GRIK2: variants seen among roughly 807,000 people sequenced by gnomAD.
GRIK2 encodes glutamate ionotropic receptor kainate type subunit 2, also known as glutamate receptor ionotropic, kainate 2.
A neutral mutation model predicts 100.3 loss-of-function variants in GRIK2; 32 were observed. The ratio of observed to expected loss-of-function variants is 0.32; its 90% CI spans 0.24 to 0.43. The LOEUF (loss-of-function observed/expected upper bound fraction) is 0.43. Ranked by LOEUF, GRIK2 falls within the 20% of genes least tolerant of loss-of-function variation. The pLI is 1.00. For synonymous variants in GRIK2, 417 were observed against 389.4 expected, an observed-to-expected ratio of 1.07 and a Z score of -0.83; for missense variants, 843 against 1,114.9, an observed-to-expected ratio of 0.76 and a Z score of 3.47.
intron 2 of GRIK2, among the ~76,000 whole-genome samples, chr6:101,446,161 T>G (rs1024876640): frequency 6.6e-6 from 1 of 151,944 alleles, no homozygotes; most frequent in African/African-American, 2.4e-5. Context: ...CTATATAAGA[T>G]TCTATGATCC....
intron 12 of GRIK2, among the ~76,000 whole-genome samples, chr6:101,914,601 C>T (rs1356317425): frequency 6.6e-6 from 1 of 151,354 alleles, no homozygotes; most frequent in Non-Finnish European, 1.5e-5. Context: ...AGTCGTATTA[C>T]TGATCCTGAC....
In GRIK2 at chr6:101,909,383, T is replaced by TTGTTTTTG. The variant is rs1426689193; in HGVS notation, c.1749-15217_1749-15216insGTTTTTGT. ...GAAGGAAGATAGGGTTTTCTTTTTCTTTTTTTTTTTTTTAAAGATCATTTG... is the reference window on the plus strand; with the variant it reads ...GAAGGAAGATAGGGTTTTCTTTTTCTTGTTTTTGTTTTTTTTTTTTTAAAGATCATTTG... On this transcript the variant is annotated intron_variant, in intron 12 of 16. Coordinates refer to ENST00000369134, the MANE Select transcript of GRIK2 (RefSeq NM_021956.5). Among the ~76,000 whole-genome samples, 17 of 133,166 alleles carry TTGTTTTTG rather than the reference T, an allele frequency of 1.3e-4. 2 individuals are homozygous for TTGTTTTTG. Among genetic ancestry groups the TTGTTTTTG allele is most frequent in the Non-Finnish European group, 2.2e-4 (14 of 62,726 alleles). The allele number at this position is 133,166 out of a possible 152,430, so 87.4% of individuals were successfully genotyped here.
chr6:101,925,401 T>C (rs1479216123), intron 13 of GRIK2, among the ~76,000 whole-genome samples: 3 of 152,060 alleles, frequency 2.0e-5, no homozygotes, highest in Non-Finnish European at 4.4e-5. Flanking sequence ...TAACTATGAA[T>C]CTACTATTTT....
chr6:101,655,464 A>G (rs1408401882), intron 4 of GRIK2, among the ~76,000 whole-genome samples: 1 of 152,154 alleles, frequency 6.6e-6, no homozygotes, highest in Non-Finnish European at 1.5e-5. Context: ...GCTGCACCAA[A>G]GAATAAAATC....
At chr6:102,013,537 T>G (rs1386835956) in intron 14 of GRIK2, among the ~76,000 whole-genome samples, 1 of 152,116 alleles carries the variant, frequency 6.6e-6, no homozygotes, top group Non-Finnish European at 1.5e-5. Flanking sequence ...TGCTTCCAGC[T>G]TTTTCCTATT....
chr6:101,402,246 ACACACACACACATTCTCT>A (rs1775353112), intron 2 of GRIK2, among the ~76,000 whole-genome samples: 1 of 151,798 alleles, frequency 6.6e-6, no homozygotes, highest in Non-Finnish European at 1.5e-5. Context: ...ACACACACAT[ACACACACACACATTCTCT>A]CACACACACT....
At chr6:101,456,307 G>T (rs1250788146) in intron 2 of GRIK2, among the ~76,000 whole-genome samples, 1 of 151,914 alleles carries the variant, frequency 6.6e-6, no homozygotes, top group African/African-American at 2.4e-5. Context: ...GCAGAATTAG[G>T]TACTCACACA....
intron 15 of GRIK2, among the ~76,000 whole-genome samples, chr6:102,042,871 C>G (rs1770667808): frequency 6.6e-6 from 1 of 151,614 alleles, no homozygotes; most frequent in South Asian, 2.1e-4. Flanking sequence ...AAATCTATTT[C>G]ACCAGTCACT....
At chr6:101,699,552 T>TC (rs1231270708) in intron 7 of GRIK2, among the ~76,000 whole-genome samples, 1 of 152,128 alleles carries the variant, frequency 6.6e-6, no homozygotes, top group Non-Finnish European at 1.5e-5. Context: ...CACTTGAGCA[T>TC]CCTCAGTCCC....
intron 2 of GRIK2, among the ~76,000 whole-genome samples, chr6:101,543,516 G>A (rs1425030284): frequency 6.6e-6 from 1 of 152,130 alleles, no homozygotes; most frequent in Non-Finnish European, 1.5e-5. Context: ...ATTTGTTTAT[G>A]CCTTCCCATA....
intron 7 of GRIK2, among the ~76,000 whole-genome samples, chr6:101,750,351 A>G (rs531434809): frequency 3.3e-5 from 5 of 152,184 alleles, no homozygotes; most frequent in Non-Finnish European, 7.3e-5. Context: ...GCCCTTCTGA[A>G]GAGCCAGATT....
Position 101,532,331 on chromosome 6 carries a change from G to T in GRIK2, c.116-89618G>T. Among the ~76,000 whole-genome samples, 2 of 151,900 alleles carry T rather than the reference G, an allele frequency of 1.3e-5. 1 individual carries two copies. Among genetic ancestry groups the T allele is most frequent in the Non-Finnish European group, 2.9e-5 (2 of 67,906 alleles). ...TAACATTTTCTAACATCACCTGATAGGTCTGATCACTCCTCTTATGTACCT... is the reference window on the plus strand; with the variant it reads ...TAACATTTTCTAACATCACCTGATATGTCTGATCACTCCTCTTATGTACCT... On this transcript the variant is annotated intron_variant, in intron 2 of 16. Coordinates refer to ENST00000369134, the MANE Select transcript of GRIK2 (RefSeq NM_021956.5).
At chr6:101,563,347 A>T (rs1354477415) in intron 2 of GRIK2, among the ~76,000 whole-genome samples, 1 of 152,228 alleles carries the variant, frequency 6.6e-6, no homozygotes, top group Admixed American at 6.5e-5. Context: ...CACTGAAAAC[A>T]TAGTTTTAAT....
intron 12 of GRIK2, among the ~76,000 whole-genome samples, chr6:101,912,186 A>G (rs892246293): frequency 1.3e-5 from 2 of 150,880 alleles, no homozygotes; most frequent in African/African-American, 4.9e-5. Context: ...TATCAATTAT[A>G]TTTTTTATTG....
intron 2 of GRIK2, among the ~76,000 whole-genome samples, chr6:101,575,152 A>T (rs1777736137): frequency 6.6e-6 from 1 of 151,812 alleles, no homozygotes; most frequent in Non-Finnish European, 1.5e-5. Flanking sequence ...AAGATAAGGG[A>T]TAGGTACAAC....
chr6:101,500,240 G>C (rs1330577483), intron 2 of GRIK2, among the ~76,000 whole-genome samples: 1 of 151,878 alleles, frequency 6.6e-6, no homozygotes, highest in Non-Finnish European at 1.5e-5. Flanking sequence ...CAATTGTTGT[G>C]GTTAAATTTT....
At chr6:101,787,932 G>T (rs112637703) in intron 7 of GRIK2, among the ~76,000 whole-genome samples, 3 of 151,962 alleles carry the variant, frequency 2.0e-5, no homozygotes, top group African/African-American at 7.2e-5. Context: ...TAGTCTGTCT[G>T]TCTCTTTAGA....
intron 14 of GRIK2, among the ~76,000 whole-genome samples, chr6:101,937,580 G>A (rs1437447325): frequency 6.6e-6 from 1 of 152,032 alleles, no homozygotes; most frequent in Non-Finnish European, 1.5e-5. Context: ...AAAAATTTTA[G>A]TGCTTTATAT....
chr6:101,930,432 T>G (rs1261248269), intron 14 of GRIK2, among the ~76,000 whole-genome samples: 1 of 152,094 alleles, frequency 6.6e-6, no homozygotes, highest in Non-Finnish European at 1.5e-5. Flanking sequence ...AGGAAGTGAA[T>G]GCGTGATGCA....
Sources: gnomAD v4.1 joint callset for allele counts (sites outside exome capture counted in the v4.1 genomes callset) on GRCh38, gnomAD v4.1.1 for gene constraint, MANE v1.5 for transcripts, NCBI Gene and HGNC (gene_info 2026-07-23, HGNC 2026-07-21) for gene names.